The following ALDH1L2 variants were observed in gnomAD, a reference collection of about 807,000 sequenced individuals.
The protein encoded by ALDH1L2 is aldehyde dehydrogenase 1 family member L2.
ALDH1L2 carries 91 observed loss-of-function variants against 111.0 expected under a neutral mutation model. The observed-to-expected ratio is 0.82, with a 90% CI of 0.69 to 0.98. The LOEUF is 0.98. Ranked by LOEUF, ALDH1L2 falls within the 50% of genes least tolerant of loss-of-function variation. ALDH1L2 has a pLI of 0.00. For missense variants in ALDH1L2, 995 were observed against 1,126.8 expected (o/e 0.88, Z 1.67); for synonymous variants, 374 against 392.6 (o/e 0.95, Z 0.56).
rs1874282131 is a variant in ALDH1L2, at chr12:105,023,870, A to G, written c.*554T>C. 1 of 153,602 alleles carries G rather than the reference A, an allele frequency of 6.5e-6. No individual in the cohort carries two copies. The highest frequency in any genetic ancestry group is 6.4e-5 in the Admixed American group (1 of 15,512). The allele number at this position is 153,602 out of a possible 1,614,324, so 9.5% of individuals were successfully genotyped here. A position where few individuals can be genotyped will look rare whatever the true frequency, so the allele number is the denominator to read the frequency against. ...TGGTACCTAGTAGGTACTCAAGATA[A>G]TGTTTCTAGGTTGATCACCCATCAC... On this transcript the variant is annotated 3_prime_UTR_variant, in exon 23 of 23. Coordinates refer to ENST00000258494, the MANE Select transcript of ALDH1L2 (RefSeq NM_001034173.4).
At chr12:105,039,152 C>A (rs983273962) in intron 17 of ALDH1L2, among the ~76,000 whole-genome samples, 1 of 152,164 alleles carries the variant, frequency 6.6e-6, no homozygotes, top group Non-Finnish European at 1.5e-5. Context: ...TAGTTGAGAT[C>A]ATCCAGTGTA....
At chr12:105,049,754 G>T in intron 13 of ALDH1L2, 154 bp downstream of exon 13, 1 of 780,034 alleles carries the variant, frequency 1.3e-6, no homozygotes, top group East Asian at 3.0e-5. Flanking sequence ...CCTAGTCTCA[G>T]GTATTCTGTT....
Position 105,024,066 on chromosome 12 carries a change from T to C in ALDH1L2, c.*358A>G. On this transcript the variant is annotated 3_prime_UTR_variant, in exon 23 of 23. Coordinates refer to ENST00000258494, the MANE Select transcript of ALDH1L2 (RefSeq NM_001034173.4). ...TTCAGAGGTTAAAAACCTGTACATATTATACAAAGTTTCCAATAAATGCAC... is the reference window on the plus strand; with the variant it reads ...TTCAGAGGTTAAAAACCTGTACATACTATACAAAGTTTCCAATAAATGCAC... 3.4e-6 allele frequency: 1 copy of C among 296,194 alleles called. No individual in the cohort carries two copies. Among genetic ancestry groups the C allele is most frequent in the Non-Finnish European group, 6.3e-6 (1 of 158,648 alleles). 18.3% of individuals were successfully genotyped at this position (296,194 alleles called of 1,614,324 possible).
Position 105,073,918 on chromosome 12 carries a change from G to T in ALDH1L2, c.136C>A (p.His46Asn). ...EVYSHLRKEG[H>N]RVVGVFTVPD... ...ACTGTGAACACCCCTACTACTCGGT[G>T]GCCCTCTTTGCGGAGGTGGCTATAG... Residue 46 changes from histidine (H) to asparagine (N), a missense_variant, in exon 2 of 23, where the codon CAC (histidine) becomes AAC (asparagine). His to Asn is a moderately conservative substitution (Grantham distance 68, BLOSUM62 1). Transcript: ENST00000258494. 8 of 1,614,160 alleles carry T rather than the reference G, an allele frequency of 5.0e-6. No homozygotes were observed. Among genetic ancestry groups the T allele is most frequent in the Non-Finnish European group, 6.8e-6 (8 of 1,180,022 alleles).
intron 15 of ALDH1L2, among the ~76,000 whole-genome samples, chr12:105,046,299 C>T (rs1235754882): frequency 1.1e-4 from 14 of 133,196 alleles, no homozygotes; most frequent in African/African-American, 4.0e-4. Flanking sequence ...TGCAGTGGCA[C>T]GATCTCGGCT....
At chr12:105,061,945 A>T (rs1877030208) in intron 7 of ALDH1L2, among the ~76,000 whole-genome samples, 193 bp from the exon 8 acceptor site, 1 of 152,244 alleles carries the variant, frequency 6.6e-6, no homozygotes. Context: ...GAAAGGAAAA[A>T]GTGAGGTCCA....
At chr12:105,054,324 C>G (rs1327843874) in intron 10 of ALDH1L2, among the ~76,000 whole-genome samples, 1 of 152,134 alleles carries the variant, frequency 6.6e-6, no homozygotes, top group East Asian at 1.9e-4. Context: ...TCTGAAAATC[C>G]ACTCCTTCAT....
In ALDH1L2 at chr12:105,061,654, T is replaced by C. The variant is rs1385292561; in HGVS notation, c.1020A>G (p.Glu340=). The C allele has an allele frequency of 2.5e-6, 4 of 1,614,166 alleles. No individual in the cohort carries two copies. The highest frequency in any genetic ancestry group is 1.3e-5 in the African/African-American group (1 of 75,022). The change falls in exon 8 of 23, where the codon GAA becomes GAG. Residue 340 remains glutamate, a synonymous_variant. Transcript: ENST00000258494. ...GETSVVELTA[E]EVKVAETIKV... ...TGATGGTCTCTGCCACTTTCACCTC[T>C]TCAGCTGTCAGTTCTACCACTGACG...
chr12:105,030,819 A>T (rs1874656702), intron 20 of ALDH1L2, among the ~76,000 whole-genome samples: 1 of 152,250 alleles, frequency 6.6e-6, no homozygotes, highest in African/African-American at 2.4e-5. Flanking sequence ...GTCATGCTTA[A>T]CAAAATTAGT....
chr12:105,032,665 A>G (rs1874773331), intron 19 of ALDH1L2, among the ~76,000 whole-genome samples: 1 of 152,228 alleles, frequency 6.6e-6, no homozygotes, highest in African/African-American at 2.4e-5. Flanking sequence ...TCCACTTGAA[A>G]TCCCAAGTCC....
chr12:105,049,814 A>C, intron 13 of ALDH1L2, 94 bp downstream of exon 13: 1 of 1,393,390 alleles, frequency 7.2e-7, no homozygotes, highest in Non-Finnish European at 9.6e-7. Flanking sequence ...GGTGTAAAAA[A>C]ATCTACATAA....
At chr12:105,071,121 A>G (rs1159728562) in intron 2 of ALDH1L2, among the ~76,000 whole-genome samples, 2 of 152,228 alleles carry the variant, frequency 1.3e-5, no homozygotes, top group Admixed American at 1.3e-4. Flanking sequence ...TTAAGAACAT[A>G]GCTTTAGATT....
rs367916720 is a variant in ALDH1L2 at position 105,038,056 on chromosome 12, C to T, written c.2145+47G>A. ...TGCTAGGATTACAGGCGTGAGCCAC[C>T]TCACCTGGCCCAGGCACCTATTTAC... On this transcript the variant is annotated intron_variant, in intron 18 of 22. Coordinates refer to ENST00000258494, the MANE Select transcript of ALDH1L2 (RefSeq NM_001034173.4). The T allele has an allele frequency of 1.5e-4, 236 of 1,533,986 alleles. 2 individuals carry two copies. The South Asian group carries it at 2.5e-3, about 16-fold the overall frequency.
At position 105,019,965 on chromosome 12, in the gene ALDH1L2, CCAAAT is replaced by C. The variant is rs1874080749; in HGVS notation, c.*4454_*4458del. The C allele has an allele frequency of 6.6e-6, 1 of 152,120 alleles. No homozygotes were observed. The highest frequency in any genetic ancestry group is 2.4e-5 in the African/African-American group (1 of 41,418). 9.4% of individuals were successfully genotyped at this position (152,120 alleles called of 1,614,324 possible). On this transcript the variant is annotated 3_prime_UTR_variant, in exon 23 of 23. Coordinates refer to ENST00000258494, the MANE Select transcript of ALDH1L2 (RefSeq NM_001034173.4). ...GTAGGCTATTTCTGTTTGAAAATAA[CCAAAT>C]AGATTTTTGGGTTGACTCAACAAAT...
chr12:105,052,295 A>G, intron 11 of ALDH1L2, 78 bp from the exon 12 acceptor site: 1 of 1,367,084 alleles, frequency 7.3e-7, no homozygotes, highest in Non-Finnish European at 9.7e-7. Flanking sequence ...GTATTAATAG[A>G]AAAAATAGAG....
At chr12:105,048,175 G>A (rs1428999289) in intron 13 of ALDH1L2, 1 of 152,172 alleles carries the variant, frequency 6.6e-6, no homozygotes, top group Non-Finnish European at 1.5e-5. Context: ...GTCTAATCCT[G>A]TAGTGTACAA....
In ALDH1L2 at chr12:105,061,679, G is replaced by C. The variant is rs138795159; in HGVS notation, c.995C>G (p.Thr332Arg). ...TTCAGCTGTCAGTTCTACCACTGAC[G>C]TCTCACCCGTTGAAAAGTACTGAGA... ...PASQYFSTGE[T>R]SVVELTAEEV... Residue 332 changes from threonine (T) to arginine (R), a missense_variant, in exon 8 of 23, where the codon ACG becomes AGG. Thr to Arg is a moderately conservative substitution (Grantham distance 71). Transcript: ENST00000258494. 6.2e-7 allele frequency: 1 copy of C among 1,614,102 alleles called. No homozygotes were observed. Among genetic ancestry groups the C allele is most frequent in the African/African-American group, 1.3e-5 (1 of 75,018 alleles).
Position 105,049,126 on chromosome 12 carries a change from A to G in ALDH1L2, c.1686+782T>C, listed in dbSNP as rs139687116. The stretch of plus-strand genomic sequence containing the variant: ...TATACTCAGTCTGCTTCCACCATCT[A>G]CGGTAGCTCTCTGGCCTCTGTAGGT... On this transcript the variant is annotated intron_variant, in intron 13 of 22. Transcript: ENST00000258494. Among the ~76,000 whole-genome samples the G allele has an allele frequency of 6.0e-4, 91 of 152,244 alleles. 1 individual carries two copies. The highest frequency in any genetic ancestry group is 2.1e-3 in the African/African-American group (87 of 41,552).
At position 105,020,938 on chromosome 12, in the gene ALDH1L2, A is replaced by G. The variant is rs1001347702; in HGVS notation, c.*3486T>C. 1.3e-5 allele frequency: 2 copies of G among 152,212 alleles called. No homozygotes were observed. The highest frequency in any genetic ancestry group is 2.4e-5 in the African/African-American group (1 of 41,440). The allele number at this position is 152,212 out of a possible 1,614,324, so 9.4% of individuals were successfully genotyped here. On this transcript the variant is annotated 3_prime_UTR_variant, in exon 23 of 23. Coordinates refer to ENST00000258494, the MANE Select transcript of ALDH1L2 (RefSeq NM_001034173.4). ...ACATAGATACCTGCAAATGCTACAA[A>G]TGAGGGTTTTCTCCCCCGTCCCGGA...
Sources: allele counts gnomAD v4.1 joint callset (sites outside exome capture counted in the v4.1 genomes callset), GRCh38; gene constraint gnomAD v4.1.1; transcripts MANE v1.5; gene names NCBI Gene and HGNC (gene_info 2026-07-23, HGNC 2026-07-21).